Variants in LINGO1 observed in about 807,000 individuals in gnomAD.
LINGO1 encodes leucine rich repeat and Ig domain containing 1, also known as leucine-rich repeat and immunoglobulin-like domain-containing nogo receptor-interacting protein 1.
LINGO1 carries 11 observed loss-of-function variants against 37.3 expected under a neutral mutation model. The ratio of observed to expected loss-of-function variants is 0.29; its 90% CI spans 0.19 to 0.49. LINGO1 has a LOEUF of 0.49. Ranked by LOEUF, LINGO1 falls within the 20% of genes least tolerant of loss-of-function variation. LINGO1 has a pLI of 0.99. For synonymous variants in LINGO1, 387 were observed against 403.0 expected (o/e 0.96, Z 0.48); for missense variants, 585 against 878.2 (o/e 0.67, Z 4.22).
chr15:77,735,687 G>A (rs1189282356), intron 1 of LINGO1, among the ~76,000 whole-genome samples: 2 of 152,208 alleles, frequency 1.3e-5, no homozygotes, highest in Non-Finnish European at 2.9e-5. Flanking sequence ...TAGGTCCTGG[G>A]GGTGGTGGGG....
At chr15:77,800,010 C>T (rs970191432) in intron 1 of LINGO1, among the ~76,000 whole-genome samples, 1 of 151,874 alleles carries the variant, frequency 6.6e-6, no homozygotes, top group Non-Finnish European at 1.5e-5. Context: ...GAAGGCAGGA[C>T]GGGGAAAGAG....
chr15:77,811,425 C>A (rs2077005081), intron 1 of LINGO1, among the ~76,000 whole-genome samples: 2 of 152,212 alleles, frequency 1.3e-5, no homozygotes, highest in African/African-American at 4.8e-5. Flanking sequence ...GACCACCTCT[C>A]CCCTCCCCTG....
intron 1 of LINGO1, among the ~76,000 whole-genome samples, chr15:77,747,870 C>T (rs1312747734): frequency 2.6e-5 from 4 of 151,142 alleles, no homozygotes; most frequent in Admixed American, 1.3e-4. Context: ...CACCTCCACA[C>T]GTCAGTGGAG....
Position 77,614,575 on chromosome 15 carries a change from A to G in LINGO1, c.1332T>C (p.Phe444=), listed in dbSNP as rs2073624732. The stretch of plus-strand genomic sequence containing the variant: ...GCGGGTCGCCATCGGCCCGGCACAC[A>G]AACTGCACCGTGTGGCCCTCGTCCA... ...VFVDEGHTVQ[F]VCRADGDPPP... The change falls in exon 2 of 2, where the codon TTT becomes TTC. Residue 444 remains phenylalanine, a synonymous_variant. Coordinates refer to ENST00000355300, the MANE Select transcript of LINGO1 (RefSeq NM_032808.7). 2 of 1,610,936 alleles carry G rather than the reference A, an allele frequency of 1.2e-6. No homozygotes were observed. The highest frequency in any genetic ancestry group is 2.7e-5 in the African/African-American group (2 of 74,898).
intron 3 of LINGO1, among the ~76,000 whole-genome samples, chr15:77,662,124 CA>C (rs1257060489): frequency 6.6e-6 from 1 of 152,222 alleles, no homozygotes; most frequent in African/African-American, 2.4e-5. Context: ...CTCCATACCC[CA>C]TTGATCCAGG....
upstream of LINGO1, among the ~76,000 whole-genome samples, chr15:77,790,835 C>T (rs1014764333): frequency 7.9e-5 from 12 of 152,180 alleles, no homozygotes; most frequent in African/African-American, 2.2e-4. Context: ...CATGTAAGAG[C>T]TCCCTCCAGG....
chr15:77,707,081 G>C (rs777965843), intron 2 of LINGO1, among the ~76,000 whole-genome samples: 3 of 152,244 alleles, frequency 2.0e-5, no homozygotes, highest in Non-Finnish European at 2.9e-5. Context: ...GCCAGCAGCT[G>C]GGTGTTCTCG....
intron 2 of LINGO1, among the ~76,000 whole-genome samples, chr15:77,725,291 C>T (rs755471705): frequency 2.0e-5 from 3 of 152,240 alleles, no homozygotes; most frequent in Non-Finnish European, 2.9e-5. Context: ...CGAGGTGGCT[C>T]ATGCCTATAA....
intron 1 of LINGO1, among the ~76,000 whole-genome samples, chr15:77,749,970 A>G (rs1256904558): frequency 6.6e-6 from 1 of 151,976 alleles, no homozygotes; most frequent in African/African-American, 2.4e-5. Context: ...GGAGTGGGTG[A>G]TAGCACTTTA....
At chr15:77,635,193 T>C (rs550458223), upstream of LINGO1, among the ~76,000 whole-genome samples, 18 of 152,282 alleles carry the variant, frequency 1.2e-4, no homozygotes, top group African/African-American at 4.1e-4. Flanking sequence ...TTGGCCTCGG[T>C]TCTCCACTGT....
rs112205560 is a variant in LINGO1 at position 77,615,773 on chromosome 15, C to T, written c.134G>A (p.Arg45His). The change falls in exon 2 of 2, where the codon CGC (arginine) becomes CAC (histidine). Residue 45 changes from arginine to histidine, a missense_variant. Arg to His is a conservative substitution (Grantham distance 29). Around this residue, in one of 4 missense-constraint regions of LINGO1, gnomAD observed 484 missense variants for 735.0 expected, o/e 0.66. Transcript: ENST00000355300. ...LSGSATGCPP[R>H]CECSAQDRAV... The stretch of plus-strand genomic sequence containing the variant: ...GCGGTCCTGGGCGGAGCACTCGCAG[C>T]GGGGCGGGCAGCCCGTGGCCGAGCC... 6.4e-6 allele frequency: 10 copies of T among 1,573,762 alleles called. No homozygotes were observed. Among genetic ancestry groups the T allele is most frequent in the African/African-American group, 2.7e-5 (2 of 74,186 alleles).
chr15:77,626,960 C>G (rs868728553), intron 1 of LINGO1, among the ~76,000 whole-genome samples: 13 of 142,262 alleles, frequency 9.1e-5, no homozygotes, highest in South Asian at 2.3e-4. Context: ...CCCCGCCCCC[C>G]CAACCCCCCA....
chr15:77,811,023 CT>C (rs750285383), intron 1 of LINGO1, among the ~76,000 whole-genome samples: 43 of 152,172 alleles, frequency 2.8e-4, no homozygotes, highest in Non-Finnish European at 5.6e-4. Context: ...GTTACAGAGT[CT>C]TTGGTCCAGC....
At chr15:77,649,374 C>T (rs188178549) in intron 3 of LINGO1, 2 of 152,330 alleles carry the variant, frequency 1.3e-5, no homozygotes, top group Admixed American at 1.3e-4. Context: ...TGGAGACGCA[C>T]ACATGTGCAG....
At chr15:77,781,859 G>C (rs6495248) in intron 1 of LINGO1, among the ~76,000 whole-genome samples, 1 of 152,168 alleles carries the variant, frequency 6.6e-6, no homozygotes, top group Non-Finnish European at 1.5e-5. Context: ...CAGGGCCCCC[G>C]GCCAGAGCTG....
At chr15:77,705,022 T>G (rs947902944) in intron 2 of LINGO1, among the ~76,000 whole-genome samples, 1 of 152,116 alleles carries the variant, frequency 6.6e-6, no homozygotes, top group African/African-American at 2.4e-5. Flanking sequence ...GAGAAGTTGC[T>G]GGGTTAATCT....
intron 2 of LINGO1, among the ~76,000 whole-genome samples, chr15:77,715,911 T>A (rs1411710908): frequency 6.6e-6 from 1 of 152,152 alleles, no homozygotes; most frequent in African/African-American, 2.4e-5. Flanking sequence ...GCACATCAGG[T>A]GTTTGAGGCT....
chr15:77,672,714 G>A (rs191422123), intron 3 of LINGO1, among the ~76,000 whole-genome samples: 86 of 152,274 alleles, frequency 5.6e-4, no homozygotes, highest in African/African-American at 1.9e-3. Flanking sequence ...GAGACAGAAC[G>A]CCGACCCTGA....
At chr15:77,670,516 C>T (rs551303152) in intron 3 of LINGO1, among the ~76,000 whole-genome samples, 5 of 152,136 alleles carry the variant, frequency 3.3e-5, no homozygotes, top group Non-Finnish European at 5.9e-5. Flanking sequence ...GAGGCACAGC[C>T]GTGGTCCCCA....
Sources: gnomAD v4.1 joint callset for allele counts (sites outside exome capture counted in the v4.1 genomes callset) on GRCh38, gnomAD v4.1.1 for gene constraint, gnomAD v4.1.1 regional missense constraint, MANE v1.5 for transcripts, NCBI Gene and HGNC (gene_info 2026-07-23, HGNC 2026-07-21) for gene names.